CCDC178: variants seen among roughly 807,000 people sequenced by gnomAD.
CCDC178 encodes the protein coiled-coil domain-containing protein 178.
In CCDC178, 126 loss-of-function variants were observed where a neutral mutation model predicts 117.4. The ratio of observed to expected loss-of-function variants is 1.07; its 90% confidence interval spans 0.93 to 1.24. The LOEUF is 1.24. CCDC178 is among the 50% of genes most tolerant of loss of function. CCDC178 has a pLI of 0.00. For missense variants in CCDC178, 1,030 were observed against 986.9 expected (o/e 1.04, Z -0.59); for synonymous variants, 283 against 313.4 (o/e 0.90, Z 1.02).
chr18:33,341,569 A>G (rs1446934802), intron 9 of CCDC178, among the ~76,000 whole-genome samples: 3 of 152,164 alleles, frequency 2.0e-5, no homozygotes, highest in Non-Finnish European at 2.9e-5. Flanking sequence ...GAGGGACCCA[A>G]GGGGAGGTAA....
intron 14 of CCDC178, among the ~76,000 whole-genome samples, chr18:33,251,106 C>T (rs181436127): frequency 2.6e-4 from 39 of 151,484 alleles, no homozygotes; most frequent in Middle Eastern, 3.4e-3. Context: ...CAGAAATAGA[C>T]GTGTTTATTT....
At chr18:33,024,631 T>TTTA (rs763429015) in intron 21 of CCDC178, among the ~76,000 whole-genome samples, 55 of 151,802 alleles carry the variant, frequency 3.6e-4, no homozygotes, top group South Asian at 6.3e-4. Context: ...GGAACACTTA[T>TTTA]TTATTATTAT....
chr18:33,362,995 T>C (rs551719602), intron 6 of CCDC178, among the ~76,000 whole-genome samples: 1 of 152,106 alleles, frequency 6.6e-6, no homozygotes, highest in South Asian at 2.1e-4. Context: ...CAATACTGGT[T>C]CATTAATTAC....
At chr18:33,299,198 C>G (rs1341609935) in intron 11 of CCDC178, among the ~76,000 whole-genome samples, 2 of 152,044 alleles carry the variant, frequency 1.3e-5, no homozygotes, top group African/African-American at 2.4e-5. Context: ...TACCACACTA[C>G]CTGACTACAA....
At chr18:33,075,630 T>C (rs1247302743) in intron 21 of CCDC178, among the ~76,000 whole-genome samples, 1 of 152,144 alleles carries the variant, frequency 6.6e-6, no homozygotes, top group African/African-American at 2.4e-5. Flanking sequence ...AAGAAATAAC[T>C]TGACTAGATA....
intron 14 of CCDC178, among the ~76,000 whole-genome samples, chr18:33,247,145 G>C (rs973380903): frequency 5.3e-5 from 8 of 151,226 alleles, no homozygotes; most frequent in African/African-American, 1.9e-4. Context: ...AGAGAAAAGA[G>C]ACCTGCTTAT....
In CCDC178 at chr18:32,953,072, A is replaced by G. The variant is rs142039898; in HGVS notation, c.2524-14981T>C. 1.1e-3 allele frequency among the ~76,000 whole-genome samples: 169 copies of G among 152,104 alleles called. 1 individual carries two copies. Among genetic ancestry groups the G allele is most frequent in the African/African-American group, 3.9e-3 (160 of 41,506 alleles). On this transcript the variant is annotated intron_variant, in intron 22 of 22. Coordinates refer to ENST00000383096, the MANE Select transcript of CCDC178 (RefSeq NM_001105528.4). ...CAGGTGTGATCCACCATGCCTGGCC[A>G]ATTTTACGAACTTTTATGCTCTGTC...
chr18:32,997,071 C>A (rs1014030707), intron 21 of CCDC178, among the ~76,000 whole-genome samples: 1 of 152,120 alleles, frequency 6.6e-6, no homozygotes, highest in Non-Finnish European at 1.5e-5. Flanking sequence ...TCCAAAACTT[C>A]TCTCTTTCGT....
At chr18:33,292,064 A>G (rs555542117) in intron 12 of CCDC178, among the ~76,000 whole-genome samples, 27 of 152,046 alleles carry the variant, frequency 1.8e-4, no homozygotes, top group African/African-American at 6.3e-4. Flanking sequence ...ATATGATCCA[A>G]CAATCCCACT....
chr18:33,372,061 T>C lies in CCDC178; in HGVS notation c.209-1872A>G, dbSNP rs550676445. Among the ~76,000 whole-genome samples the C allele has an allele frequency of 3.5e-4, 53 of 152,212 alleles. 1 individual carries two copies. The highest frequency in any genetic ancestry group is 1.3e-3 in the African/African-American group (52 of 41,550). ...TTTCTTGACTGTGCCACTCTCAACCTATTTTGTGAATACTAATAATTTCCA... is the reference window on the plus strand; with the variant it reads ...TTTCTTGACTGTGCCACTCTCAACCCATTTTGTGAATACTAATAATTTCCA... On this transcript the variant is annotated intron_variant, in intron 5 of 22. Coordinates refer to ENST00000383096, the MANE Select transcript of CCDC178 (RefSeq NM_001105528.4).
At chr18:33,154,859 T>C (rs1166879579) in intron 20 of CCDC178, among the ~76,000 whole-genome samples, 1 of 152,112 alleles carries the variant, frequency 6.6e-6, no homozygotes, top group Admixed American at 6.5e-5. Context: ...TAAATATGTA[T>C]AAATATCTAA....
rs1201173183 is a variant in CCDC178, at chr18:32,958,045, G to T, written c.2523+16502C>A. On this transcript the variant is annotated intron_variant, in intron 22 of 22. Transcript: ENST00000383096. ...TTTTAATGGAAAGTGAGTTTACAGG[G>T]TTACATGATTGAACTACTGAGCCAA... is the stretch of plus-strand genomic sequence containing the variant. The T allele has an allele frequency of 1.5e-5, 5 of 333,088 alleles. No individual in the cohort carries two copies. In the East Asian group the frequency reaches 1.7e-4, roughly 11 times the overall value. 20.6% of individuals were successfully genotyped at this position (333,088 alleles called of 1,614,324 possible).
chr18:33,434,883 C>T (rs372333998), intron 2 of CCDC178, among the ~76,000 whole-genome samples: 143 of 152,164 alleles, frequency 9.4e-4, no homozygotes, highest in Middle Eastern at 3.4e-3. Flanking sequence ...TGTTCTTTCC[C>T]AGTGTCTTCA....
intron 15 of CCDC178, among the ~76,000 whole-genome samples, chr18:33,242,963 T>C (rs530472341): frequency 6.6e-6 from 1 of 151,908 alleles, no homozygotes; most frequent in Admixed American, 6.6e-5. Context: ...GTTTTTTTTG[T>C]GGCACTATTC....
At chr18:33,173,403 T>A (rs1277177032) in intron 20 of CCDC178, among the ~76,000 whole-genome samples, 1 of 152,140 alleles carries the variant, frequency 6.6e-6, no homozygotes, top group African/African-American at 2.4e-5. Flanking sequence ...CTACAAAGCA[T>A]GTAGGATTTT....
chr18:33,297,430 G>A (rs1212099644), intron 11 of CCDC178, among the ~76,000 whole-genome samples: 1 of 151,852 alleles, frequency 6.6e-6, no homozygotes, highest in East Asian at 1.9e-4. Context: ...AAATCATTAG[G>A]TAGATTAACA....
In CCDC178 at chr18:33,022,890, G is replaced by A. The variant is rs567058556; in HGVS notation, c.2389-48209C>T. On this transcript the variant is annotated intron_variant, in intron 21 of 22. Coordinates refer to ENST00000383096, the MANE Select transcript of CCDC178 (RefSeq NM_001105528.4). ...TATAGGGGGGCTGGAAGTAAAGGATGAAAAGTGATATAAAGACATTAACCA... is the reference window on the plus strand; with the variant it reads ...TATAGGGGGGCTGGAAGTAAAGGATAAAAAGTGATATAAAGACATTAACCA... Among the ~76,000 whole-genome samples the A allele has an allele frequency of 1.5e-4, 23 of 152,152 alleles. No individual in the cohort carries two copies. In the South Asian group the frequency reaches 4.8e-3, roughly 32 times the overall value.
At chr18:33,382,708 C>T (rs1162144845) in intron 5 of CCDC178, among the ~76,000 whole-genome samples, 1 of 152,178 alleles carries the variant, frequency 6.6e-6, no homozygotes, top group East Asian at 1.9e-4. Flanking sequence ...CGTGAGCCTA[C>T]ACCACCAGGG....
At chr18:33,097,367 G>T (rs764524401) in intron 20 of CCDC178, among the ~76,000 whole-genome samples, 35 of 152,084 alleles carry the variant, frequency 2.3e-4, no homozygotes, top group African/African-American at 5.3e-4. Context: ...CTAACCCCTA[G>T]CCTCCAAGTC....
Sources: gnomAD v4.1 joint callset for allele counts (sites outside exome capture counted in the v4.1 genomes callset) on GRCh38, gnomAD v4.1.1 for gene constraint, MANE v1.5 for transcripts, NCBI Gene and HGNC (gene_info 2026-07-23, HGNC 2026-07-21) for gene names.